Variants in DNMBP observed in about 807,000 individuals in gnomAD.
DNMBP encodes dynamin-binding protein.
A neutral mutation model predicts 150.0 loss-of-function variants in DNMBP; 87 were observed. The observed-to-expected ratio is 0.58, with a 90% CI of 0.49 to 0.69. The LOEUF is 0.69. DNMBP is among the 30% of genes least tolerant of loss of function. The pLI, the probability that DNMBP is intolerant of heterozygous loss-of-function variation, is 0.00. For synonymous variants in DNMBP, 711 were observed against 750.4 expected (o/e 0.95, Z 0.86); for missense variants, 1,774 against 1,949.0 (o/e 0.91, Z 1.69).
intron 4 of DNMBP, among the ~76,000 whole-genome samples, chr10:99,916,005 C>T: frequency 6.6e-6 from 1 of 152,128 alleles, no homozygotes; most frequent in Non-Finnish European, 1.5e-5. Flanking sequence ...TTTTGGTAGC[C>T]ATCTGGTAGC....
chr10:99,949,918 T>C (rs1216909782), intron 4 of DNMBP, among the ~76,000 whole-genome samples: 1 of 152,208 alleles, frequency 6.6e-6, no homozygotes, highest in East Asian at 1.9e-4. Flanking sequence ...ACATTTTCCA[T>C]GGAACACTAT....
intron 4 of DNMBP, among the ~76,000 whole-genome samples, chr10:99,950,122 T>C (rs893223676): frequency 1.2e-4 from 18 of 152,172 alleles, no homozygotes; most frequent in Non-Finnish European, 4.4e-5. Flanking sequence ...TGTGCTGTTC[T>C]CGTGACTGAA....
chr10:99,940,611 G>A (rs1030902399), intron 4 of DNMBP, among the ~76,000 whole-genome samples: 14 of 152,090 alleles, frequency 9.2e-5, no homozygotes, highest in African/African-American at 2.7e-4. Flanking sequence ...TCTTACAAAC[G>A]ACTTCCGCTG....
At chr10:99,894,490 T>C (rs948756076) in intron 11 of DNMBP, among the ~76,000 whole-genome samples, 2 of 152,222 alleles carry the variant, frequency 1.3e-5, no homozygotes, top group African/African-American at 4.8e-5. Context: ...GGCCTTATTA[T>C]AGCAACTGAA....
intron 3 of DNMBP, among the ~76,000 whole-genome samples, chr10:99,964,824 T>C (rs1399189968): frequency 6.7e-6 from 1 of 150,104 alleles, no homozygotes; most frequent in Non-Finnish European, 1.5e-5. Context: ...TGAGCAGAAA[T>C]TGCGCCACTG....
intron 3 of DNMBP, among the ~76,000 whole-genome samples, chr10:99,964,242 G>A (rs532778009): frequency 3.4e-5 from 5 of 146,126 alleles, no homozygotes; most frequent in East Asian, 2.0e-4. Context: ...TTCCGGGTTC[G>A]AGCAATTTCT....
intron 2 of DNMBP, among the ~76,000 whole-genome samples, chr10:99,969,789 A>G (rs775278783): frequency 1.3e-5 from 2 of 152,146 alleles, no homozygotes; most frequent in African/African-American, 4.8e-5. Context: ...GTCTCTGGGT[A>G]TATTTATCTC....
intron 11 of DNMBP, chr10:99,889,591 AACTCCTC>A (rs1198740799): frequency 2.0e-5 from 3 of 152,250 alleles, no homozygotes; most frequent in African/African-American, 7.2e-5. Flanking sequence ...TCACATAGTC[AACTCCTC>A]CTGACAGTGA....
At chr10:99,985,235 C>A (rs1479548403) in intron 1 of DNMBP, among the ~76,000 whole-genome samples, 1 of 152,100 alleles carries the variant, frequency 6.6e-6, no homozygotes, top group African/African-American at 2.4e-5. Flanking sequence ...CATTTGAGCA[C>A]CATGGAAAAC....
At chr10:99,982,248 C>T (rs1212420794) in intron 1 of DNMBP, among the ~76,000 whole-genome samples, 1 of 151,882 alleles carries the variant, frequency 6.6e-6, no homozygotes, top group Non-Finnish European at 1.5e-5. Context: ...AGCTCGAGAC[C>T]AGCCTGGGCA....
At chr10:100,003,257 G>T (rs2133391644) in intron 1 of DNMBP, among the ~76,000 whole-genome samples, 1 of 152,344 alleles carries the variant, frequency 6.6e-6, no homozygotes, top group East Asian at 1.9e-4. Flanking sequence ...TGAGGCAGGA[G>T]AATTGCTTGA....
chr10:99,907,346 T>A (rs1344837944), intron 6 of DNMBP, among the ~76,000 whole-genome samples: 1 of 151,342 alleles, frequency 6.6e-6, no homozygotes, highest in Non-Finnish European at 1.5e-5. Flanking sequence ...AAACAACAGA[T>A]AAGTTTCAAA....
In DNMBP at chr10:99,978,365, C is replaced by G. The variant is rs115168673; in HGVS notation, c.-10-6231G>C. 8.4e-3 allele frequency among the ~76,000 whole-genome samples: 1,284 copies of G among 152,154 alleles called. 18 individuals carry two copies. Among genetic ancestry groups the G allele is most frequent in the Middle Eastern group, 0.044 (13 of 294 alleles). On this transcript the variant is annotated intron_variant, in intron 1 of 16. Coordinates refer to ENST00000324109, the MANE Select transcript of DNMBP (RefSeq NM_015221.4). ...CAGTGAGGTTGAAAGAATTTTACACCCACCACCTAGATTCTAGCATTAACA... is the reference window on the plus strand; with the variant it reads ...CAGTGAGGTTGAAAGAATTTTACACGCACCACCTAGATTCTAGCATTAACA...
At chr10:99,929,497 G>A in intron 4 of DNMBP, 1 of 595,076 alleles carries the variant, frequency 1.7e-6, no homozygotes, top group Non-Finnish European at 3.0e-6. Flanking sequence ...CACTTGATAA[G>A]AAGTTCAGGG....
At chr10:99,992,821 C>T (rs754876957) in intron 1 of DNMBP, among the ~76,000 whole-genome samples, 4 of 152,038 alleles carry the variant, frequency 2.6e-5, no homozygotes, top group Non-Finnish European at 5.9e-5. Context: ...ACACCGCATC[C>T]GGCCGAGTCT....
chr10:99,953,168 G>C (rs2040443072), intron 4 of DNMBP, among the ~76,000 whole-genome samples: 1 of 152,148 alleles, frequency 6.6e-6, no homozygotes, highest in Non-Finnish European at 1.5e-5. Flanking sequence ...TTTTCAGTGT[G>C]CCAGTATAGG....
At chr10:99,905,331 T>C (rs2039810618) in intron 6 of DNMBP, among the ~76,000 whole-genome samples, 1 of 152,200 alleles carries the variant, frequency 6.6e-6, no homozygotes, top group African/African-American at 2.4e-5. Flanking sequence ...CTAATGGCAT[T>C]TGCCTGCACG....
intron 4 of DNMBP, among the ~76,000 whole-genome samples, chr10:99,942,344 T>G (rs1292877712): frequency 6.6e-6 from 1 of 152,240 alleles, no homozygotes; most frequent in Non-Finnish European, 1.5e-5. Context: ...TGATTGCTAC[T>G]GTGACTCGAG....
Position 99,955,326 on chromosome 10 carries a change from G to T in DNMBP, c.2148C>A (p.Asn716Lys). 1.2e-6 allele frequency: 2 copies of T among 1,614,134 alleles called. No homozygotes were observed. Among genetic ancestry groups the T allele is most frequent in the Non-Finnish European group, 8.5e-7 (1 of 1,180,010 alleles). ...DMYSRAQEEL[N>K]LMLEEKQDES... ...CATCCTGCTTCTCCTCCAGCATGAG[G>T]TTTAGCTCTTCTTGAGCTCTACTGT... Residue 716 changes from asparagine to lysine, a missense_variant, in exon 4 of 17, where the codon AAC (asparagine) becomes AAA (lysine). Transcript: ENST00000324109.
Sources: gnomAD v4.1 joint callset for allele counts (sites outside exome capture counted in the v4.1 genomes callset) on GRCh38, gnomAD v4.1.1 for gene constraint, MANE v1.5 for transcripts, NCBI Gene and HGNC (gene_info 2026-07-23, HGNC 2026-07-21) for gene names.